The following NRXN3 variants were observed in gnomAD, a reference collection of about 807,000 sequenced individuals.
NRXN3 encodes the protein neurexin 3.
A neutral mutation model predicts 137.6 loss-of-function variants in NRXN3; 32 were observed. The observed-to-expected ratio is 0.23, with a 90% CI of 0.18 to 0.31. The LOEUF (loss-of-function observed/expected upper bound fraction) is 0.31, where lower values mean the gene tolerates loss of function less well. NRXN3 is among the 10% of genes least tolerant of loss of function. The probability of loss-of-function intolerance (pLI) is 1.00; values close to 1 mark genes in which losing one functional copy is unlikely to be tolerated. For missense variants in NRXN3, 1,574 were observed against 2,062.5 expected, an observed-to-expected ratio of 0.76 and a Z score of 4.59; for synonymous variants, 798 against 784.5, an observed-to-expected ratio of 1.02 and a Z score of -0.29.
chr14:79,651,523 C>T (rs2098475912), intron 16 of NRXN3, among the ~76,000 whole-genome samples: 1 of 151,664 alleles, frequency 6.6e-6, no homozygotes, highest in Admixed American at 6.6e-5. Context: ...CCTCACAATG[C>T]TCATGGTGTG....
At chr14:79,044,435 C>T (rs2099629768) in intron 15 of NRXN3, among the ~76,000 whole-genome samples, 1 of 152,064 alleles carries the variant, frequency 6.6e-6, no homozygotes, top group African/African-American at 2.4e-5. Context: ...TTAAGTCTCC[C>T]TTTTTCATGT....
intron 8 of NRXN3, among the ~76,000 whole-genome samples, chr14:78,768,853 C>G (rs1202187178): frequency 6.6e-6 from 1 of 152,180 alleles, no homozygotes; most frequent in East Asian, 1.9e-4. Flanking sequence ...ACACCATTCT[C>G]CCAGCATTTT....
intron 15 of NRXN3, among the ~76,000 whole-genome samples, chr14:79,405,015 A>G (rs1182317130): frequency 6.6e-6 from 1 of 152,156 alleles, no homozygotes; most frequent in African/African-American, 2.4e-5. Context: ...GATCAAGTTC[A>G]TAGCAATTTC....
At chr14:79,610,249 G>A (rs192446974) in intron 16 of NRXN3, among the ~76,000 whole-genome samples, 21 of 152,120 alleles carry the variant, frequency 1.4e-4, no homozygotes, top group South Asian at 4.2e-4. Flanking sequence ...GCCTTTAACC[G>A]TTTCCTTTTA....
At position 79,200,828 on chromosome 14, in the gene NRXN3, ATTTTTTTT is replaced by A. The variant is rs56194422; in HGVS notation, c.3262+212708_3262+212715del. ...TCCCTATTGCTCTCCTGTGAGCTGT[ATTTTTTTT>A]TTTTTTTTTTTTTTTTTTTTGGCTT... On this transcript the variant is annotated intron_variant, in intron 15 of 20. Transcript: ENST00000335750. Among the ~76,000 whole-genome samples, 322 of 59,114 alleles carry A rather than the reference ATTTTTTTT, an allele frequency of 5.4e-3. 1 individual carries two copies. Among genetic ancestry groups the A allele is most frequent in the Non-Finnish European group, 7.7e-3 (247 of 32,240 alleles). The allele number at this position is 59,114 out of a possible 152,430, so 38.8% of individuals were successfully genotyped here.
chr14:78,218,365 T>C (rs1371436417), intron 1 of NRXN3, among the ~76,000 whole-genome samples: 2 of 152,170 alleles, frequency 1.3e-5, no homozygotes, highest in Non-Finnish European at 2.9e-5. Context: ...CTCTCTTTTT[T>C]TTTCCCAAAG....
At chr14:78,260,590 T>C (rs904049011) in intron 2 of NRXN3, among the ~76,000 whole-genome samples, 5 of 152,184 alleles carry the variant, frequency 3.3e-5, no homozygotes, top group East Asian at 1.9e-4. Context: ...TGGGAGATAA[T>C]TGAATCATGG....
rs1599089143 is a variant in NRXN3, at chr14:79,356,581, A to G, written c.3263-110640A>G. ...CACTATTAATAGGAACAAATTTACT[A>G]GCATCTCTTTTACTATGTGTCTTAT... On this transcript the variant is annotated intron_variant, in intron 15 of 20. Transcript: ENST00000335750. Among the ~76,000 whole-genome samples, 6 of 152,170 alleles carry G rather than the reference A, an allele frequency of 3.9e-5. No homozygotes were observed. The South Asian group carries it at 1.0e-3, about 26-fold the overall frequency.
rs191656177 is a variant in NRXN3, at chr14:79,015,904, G to A, written c.3262+27763G>A. ...GATTTGTTGCTTATCTAGTACGATT[G>A]GCTGCCTTGTCCACAACATCCTAAA... On this transcript the variant is annotated intron_variant, in intron 15 of 20. Coordinates refer to ENST00000335750, the MANE Select transcript of NRXN3 (RefSeq NM_001330195.2). 8.6e-4 allele frequency among the ~76,000 whole-genome samples: 131 copies of A among 152,170 alleles called. 2 individuals are homozygous for A. The highest frequency in any genetic ancestry group is 7.4e-5 in the Non-Finnish European group (5 of 67,998).
chr14:79,168,854 G>A (rs756055397), intron 15 of NRXN3, among the ~76,000 whole-genome samples: 1 of 152,060 alleles, frequency 6.6e-6, no homozygotes, highest in Non-Finnish European at 1.5e-5. Flanking sequence ...ATAGTATGTG[G>A]TATCGTTTCC....
At chr14:79,860,050 C>A (rs2099411016) in intron 20 of NRXN3, among the ~76,000 whole-genome samples, 1 of 152,160 alleles carries the variant, frequency 6.6e-6, no homozygotes. Flanking sequence ...ACCACTACTG[C>A]AGAATATTTG....
intron 15 of NRXN3, among the ~76,000 whole-genome samples, chr14:79,095,221 A>G (rs1333817563): frequency 2.6e-5 from 4 of 152,098 alleles, no homozygotes; most frequent in Non-Finnish European, 4.4e-5. Flanking sequence ...GGACTTGGGT[A>G]TCTACAGTGA....
intron 15 of NRXN3, among the ~76,000 whole-genome samples, chr14:79,066,819 T>C (rs2152692293): frequency 6.6e-6 from 1 of 152,232 alleles, no homozygotes; most frequent in East Asian, 1.9e-4. Context: ...TGATTTTATA[T>C]TCTGAGACTT....
At chr14:78,588,949 G>A (rs1009350849) in intron 4 of NRXN3, among the ~76,000 whole-genome samples, 1 of 152,188 alleles carries the variant, frequency 6.6e-6, no homozygotes, top group African/African-American at 2.4e-5. Flanking sequence ...AACACTCAAC[G>A]ACAACTTCAC....
At chr14:79,753,689 G>A (rs2099007277) in intron 19 of NRXN3, among the ~76,000 whole-genome samples, 2 of 151,572 alleles carry the variant, frequency 1.3e-5, no homozygotes, top group South Asian at 2.1e-4. Flanking sequence ...CCTGCACATT[G>A]TGCATATGTA....
chr14:79,477,845 T>C (rs1208512606), intron 16 of NRXN3, among the ~76,000 whole-genome samples: 1 of 152,044 alleles, frequency 6.6e-6, no homozygotes, highest in African/African-American at 2.4e-5. Context: ...CGGCAGGTGT[T>C]GTCAGCAGGT....
chr14:79,393,670 C>T lies in NRXN3; in HGVS notation c.3263-73551C>T, dbSNP rs142744627. Reference sequence around the variant, plus strand: ...TCTACTAAAAATACAAAAAAATTAACCGGGCGTGGTGGCGGGCGCCTATAG... The same window carrying T: ...TCTACTAAAAATACAAAAAAATTAATCGGGCGTGGTGGCGGGCGCCTATAG... On this transcript the variant is annotated intron_variant, in intron 15 of 20. Transcript: ENST00000335750. Among the ~76,000 whole-genome samples, 137 of 152,204 alleles carry T rather than the reference C, an allele frequency of 9.0e-4. No individual in the cohort carries two copies. In the East Asian group the frequency reaches 0.023, roughly 25 times the overall value.
chr14:79,081,632 AAATGAT>A (rs1367906261), intron 15 of NRXN3, among the ~76,000 whole-genome samples: 7 of 151,802 alleles, frequency 4.6e-5, no homozygotes, highest in Non-Finnish European at 7.4e-5. Context: ...AAAAAAAAAA[AAATGAT>A]ATGATGTGTC....
At chr14:79,005,401 T>A (rs2099550302) in intron 15 of NRXN3, among the ~76,000 whole-genome samples, 1 of 152,342 alleles carries the variant, frequency 6.6e-6, no homozygotes, top group South Asian at 2.1e-4. Context: ...GTCCCTAAAT[T>A]GTGACCATTT....
Sources: gnomAD v4.1 joint callset for allele counts (sites outside exome capture counted in the v4.1 genomes callset) on GRCh38, gnomAD v4.1.1 for gene constraint, MANE v1.5 for transcripts, NCBI Gene and HGNC (gene_info 2026-07-23, HGNC 2026-07-21) for gene names.